Variants in IFTAP observed in about 807,000 individuals in gnomAD.
The protein encoded by IFTAP is intraflagellar transport associated protein, also known as intraflagellar transport-associated protein.
In IFTAP, 19 loss-of-function variants were observed where a neutral mutation model predicts 19.4. The ratio of observed to expected loss-of-function variants is 0.98; its 90% CI spans 0.68 to 1.44. IFTAP has a LOEUF of 1.44. Ranked by LOEUF, IFTAP falls within the 40% of genes most tolerant of loss-of-function variation. The pLI, the probability that IFTAP is intolerant of heterozygous loss-of-function variation, is 0.00. For missense variants in IFTAP, 240 were observed against 253.6 expected (o/e 0.95, Z 0.36); for synonymous variants, 85 against 83.5 (o/e 1.02, Z -0.10).
chr11:36,655,025 A>C (rs1025085057), intron 5 of IFTAP, among the ~76,000 whole-genome samples: 5 of 152,162 alleles, frequency 3.3e-5, no homozygotes, highest in Non-Finnish European at 7.3e-5. Context: ...GTACTTAATA[A>C]AAATTTAATG....
chr11:36,638,561 GA>G (rs1164925583), intron 4 of IFTAP, among the ~76,000 whole-genome samples: 6 of 152,326 alleles, frequency 3.9e-5, no homozygotes, highest in Non-Finnish European at 7.4e-5. Context: ...AAAGGGAAAA[GA>G]AATTAAATAG....
chr11:36,607,646 C>T (rs1024138717), intron 1 of IFTAP, among the ~76,000 whole-genome samples: 1 of 151,078 alleles, frequency 6.6e-6, no homozygotes, highest in Non-Finnish European at 1.5e-5. Context: ...TAAGGAAATA[C>T]AGACCTGTAC....
chr11:36,619,697 A>T (rs888026214), intron 2 of IFTAP, among the ~76,000 whole-genome samples: 3 of 152,010 alleles, frequency 2.0e-5, no homozygotes, highest in Admixed American at 6.6e-5. Flanking sequence ...AAACGAACTG[A>T]CCAGCTTTAT....
intron 5 of IFTAP, among the ~76,000 whole-genome samples, chr11:36,651,000 A>T (rs1270213173): frequency 2.0e-5 from 3 of 152,230 alleles, no homozygotes; most frequent in African/African-American, 4.8e-5. Context: ...ATTGTGAATA[A>T]TGCCGCAATA....
chr11:36,625,721 A>G (rs766863992), intron 2 of IFTAP, among the ~76,000 whole-genome samples: 34 of 152,214 alleles, frequency 2.2e-4, no homozygotes, highest in Admixed American at 3.3e-4. Context: ...ATTGTATTCT[A>G]GAAGGGGGAA....
At chr11:36,613,984 G>T (rs7110520) in intron 2 of IFTAP, among the ~76,000 whole-genome samples, 22,911 of 150,510 alleles carry the variant, frequency 0.15, 2,520 homozygotes, top group African/African-American at 0.31. Flanking sequence ...TAGTTACATA[G>T]GTATACATGT....
rs1010300604 is a variant in IFTAP at position 36,643,107 on chromosome 11, C to A, written c.359-4909C>A. Among the ~76,000 whole-genome samples, 14 of 152,276 alleles carry A rather than the reference C, an allele frequency of 9.2e-5. No individual in the cohort carries two copies. In the East Asian group the frequency reaches 2.5e-3, roughly 27 times the overall value. On this transcript the variant is annotated intron_variant, in intron 4 of 5. Transcript: ENST00000334307. ...ATGATATGATTGTATATTTAGAAAACCCCATCATCTCAGCCCAAAATCTCC... is the reference window on the plus strand; with the variant it reads ...ATGATATGATTGTATATTTAGAAAAACCCATCATCTCAGCCCAAAATCTCC...
intron 2 of IFTAP, among the ~76,000 whole-genome samples, chr11:36,614,784 A>G (rs1852008815): frequency 6.7e-6 from 1 of 148,934 alleles, no homozygotes; most frequent in African/African-American, 2.5e-5. Flanking sequence ...TTTCCTTGTA[A>G]ATTTGTTTGA....
chr11:36,626,270 C>A (rs957764573), intron 2 of IFTAP, among the ~76,000 whole-genome samples: 1 of 151,314 alleles, frequency 6.6e-6, no homozygotes, highest in East Asian at 1.9e-4. Context: ...TCCTCACCCA[C>A]GTACTTAATC....
chr11:36,601,684 T>G (rs573504022), intron 1 of IFTAP, among the ~76,000 whole-genome samples: 69 of 152,262 alleles, frequency 4.5e-4, no homozygotes, highest in African/African-American at 1.6e-3. Flanking sequence ...GACAGGGTCT[T>G]GCTCTGTTGC....
intron 2 of IFTAP, among the ~76,000 whole-genome samples, chr11:36,629,185 G>A (rs1325553420): frequency 6.6e-6 from 1 of 151,230 alleles, no homozygotes; most frequent in Non-Finnish European, 1.5e-5. Flanking sequence ...AAATATTATT[G>A]TCCAGAGAAA....
chr11:36,607,721 C>T (rs532957316), intron 1 of IFTAP, among the ~76,000 whole-genome samples: 6 of 152,012 alleles, frequency 3.9e-5, no homozygotes, highest in Admixed American at 6.5e-5. Flanking sequence ...TTGCCTAGGA[C>T]GGAGTGCAAT....
intron 4 of IFTAP, among the ~76,000 whole-genome samples, chr11:36,643,291 G>A (rs936180136): frequency 2.4e-4 from 37 of 152,086 alleles, no homozygotes; most frequent in Non-Finnish European, 4.3e-4. Flanking sequence ...AACTTACAAG[G>A]GATGTGAAGG....
At chr11:36,635,437 G>T (rs1322811386) in intron 3 of IFTAP, among the ~76,000 whole-genome samples, 1 of 152,150 alleles carries the variant, frequency 6.6e-6, no homozygotes, top group African/African-American at 2.4e-5. Flanking sequence ...TTGAAATGCT[G>T]CTATTGTGTC....
chr11:36,656,104 ATG>A (rs1853972557), intron 5 of IFTAP, among the ~76,000 whole-genome samples: 1 of 152,126 alleles, frequency 6.6e-6, no homozygotes, highest in African/African-American at 2.4e-5. Flanking sequence ...TAAGAAGGCA[ATG>A]GGTTGGGCCG....
intron 2 of IFTAP, among the ~76,000 whole-genome samples, chr11:36,620,593 A>G (rs933687594): frequency 1.3e-5 from 2 of 152,058 alleles, no homozygotes; most frequent in African/African-American, 4.8e-5. Flanking sequence ...TCATTTCAAC[A>G]TGAATATTTG....
At chr11:36,601,979 G>A (rs1189819705) in intron 1 of IFTAP, among the ~76,000 whole-genome samples, 3 of 152,148 alleles carry the variant, frequency 2.0e-5, no homozygotes, top group Non-Finnish European at 4.4e-5. Flanking sequence ...TTTGAGTATA[G>A]AAACCATATT....
Position 36,632,408 on chromosome 11 carries a change from A to ACTAC in IFTAP, c.137-875_137-872dup, listed in dbSNP as rs1364967613. On this transcript the variant is annotated intron_variant, in intron 2 of 5. Coordinates refer to ENST00000334307, the MANE Select transcript of IFTAP (RefSeq NM_138787.4). ...TTGCAGCTGCCTTTGGGTCATTTCCACTACGATTTCAACTGGCACTTCAAA... is the reference window on the plus strand; with the variant it reads ...TTGCAGCTGCCTTTGGGTCATTTCCACTACCTACGATTTCAACTGGCACTTCAAA... Among the ~76,000 whole-genome samples the ACTAC allele has an allele frequency of 2.6e-5, 4 of 151,200 alleles. 1 individual carries two copies. Among genetic ancestry groups the ACTAC allele is most frequent in the African/African-American group, 4.9e-5 (2 of 40,566 alleles).
chr11:36,643,873 T>C (rs1347537596), intron 4 of IFTAP, among the ~76,000 whole-genome samples: 1 of 152,162 alleles, frequency 6.6e-6, no homozygotes, highest in Non-Finnish European at 1.5e-5. Context: ...ACTTAAATAT[T>C]AGACCTAAAA....
Sources: allele counts gnomAD v4.1 joint callset (sites outside exome capture counted in the v4.1 genomes callset), GRCh38; gene constraint gnomAD v4.1.1; transcripts MANE v1.5; gene names NCBI Gene and HGNC (gene_info 2026-07-23, HGNC 2026-07-21).